Variants in SIPA1L2 observed in about 807,000 individuals in gnomAD.
SIPA1L2 encodes signal-induced proliferation-associated 1-like protein 2.
In SIPA1L2, 56 loss-of-function variants were observed where a neutral mutation model predicts 163.9. That is an observed-to-expected ratio of 0.34 (90% confidence interval 0.28 to 0.43). The LOEUF (loss-of-function observed/expected upper bound fraction) is 0.43, where lower values mean the gene tolerates loss of function less well. SIPA1L2 is among the 20% of genes least tolerant of loss of function. The probability of loss-of-function intolerance (pLI) is 1.00; values close to 1 mark genes in which losing one functional copy is unlikely to be tolerated. For missense variants in SIPA1L2, 1,974 were observed against 2,193.5 expected (o/e 0.90, Z 2.00); for synonymous variants, 877 against 865.7 (o/e 1.01, Z -0.23).
chr1:232,563,956 C>CGTGTGTGTGTGTGTGTGTGTGT (rs34854572), intron 2 of SIPA1L2, among the ~76,000 whole-genome samples: 1 of 72,212 alleles, frequency 1.4e-5, no homozygotes, highest in Non-Finnish European at 2.4e-5. Context: ...TTTTTTTTTT[C>CGTGTGTGTGTGTGTGTGTGTGT]GTGTGTGTGT....
At chr1:232,405,138 C>T (rs116289223) in intron 19 of SIPA1L2, among the ~76,000 whole-genome samples, 1,889 of 152,342 alleles carry the variant, frequency 0.012, 20 homozygotes, top group Non-Finnish European at 0.02. Context: ...CTGCCAGGAA[C>T]ATATGAAGGA....
chr1:232,431,773 A>G (rs1448354865), intron 16 of SIPA1L2, among the ~76,000 whole-genome samples: 2 of 152,244 alleles, frequency 1.3e-5, no homozygotes, highest in African/African-American at 4.8e-5. Context: ...ACAGATACAA[A>G]GCATCCTTTC....
chr1:232,482,027 G>T (rs1665387702), intron 6 of SIPA1L2, among the ~76,000 whole-genome samples: 1 of 152,100 alleles, frequency 6.6e-6, no homozygotes, highest in Non-Finnish European at 1.5e-5. Context: ...TCTACTAAAA[G>T]AATGTCAGAC....
intron 1 of SIPA1L2, among the ~76,000 whole-genome samples, chr1:232,574,536 TTC>T (rs1257849423): frequency 6.6e-6 from 1 of 152,322 alleles, no homozygotes; most frequent in African/African-American, 2.4e-5. Context: ...TCATTACTTT[TTC>T]TGTTTTGAAA....
In SIPA1L2 at chr1:232,494,387, G is replaced by A. The variant is rs143528670; in HGVS notation, c.1484-727C>T. Among the ~76,000 whole-genome samples, 249 of 152,254 alleles carry A rather than the reference G, an allele frequency of 1.6e-3. 2 individuals carry two copies. Among genetic ancestry groups the A allele is most frequent in the Non-Finnish European group, 2.7e-3 (181 of 68,018 alleles). ...AGGCCATACTGTCCATCTAACACAC[G>A]GATCCCTCCAGGACATCTTTCCTAA... On this transcript the variant is annotated intron_variant, in intron 3 of 22. Transcript: ENST00000674635.
chr1:232,443,659 G>A lies in SIPA1L2; in HGVS notation c.3380C>T (p.Ser1127Phe). ...GCTCCCGCCGGGTCCAGGGTCGCTG[G>A]AGGATGACTGGTTGCTGGGTGAGCT... The part of the protein sequence containing the change: ...TRSSPSNQSS[S>F]SDPGPGGSGP... Residue 1127 changes from serine (S) to phenylalanine (F), a missense_variant, in exon 12 of 23, where the codon TCC (serine) becomes TTC (phenylalanine). Physicochemically the swap from Ser to Phe is radical, Grantham distance 155 (BLOSUM62 -2). Transcript: ENST00000674635. 1 of 1,609,132 alleles carries A rather than the reference G, an allele frequency of 6.2e-7. No homozygotes were observed.
intron 2 of SIPA1L2, among the ~76,000 whole-genome samples, chr1:232,570,357 T>A (rs1659648913): frequency 6.6e-6 from 1 of 152,210 alleles, no homozygotes; most frequent in Non-Finnish European, 1.5e-5. Flanking sequence ...TACAAAGAAG[T>A]ATGCAACAAG....
intron 2 of SIPA1L2, among the ~76,000 whole-genome samples, chr1:232,557,035 C>T (rs976278434): frequency 1.3e-5 from 2 of 152,008 alleles, no homozygotes; most frequent in Admixed American, 1.3e-4. Flanking sequence ...ACCTGTGTCC[C>T]GTGAGCAAAA....
intron 19 of SIPA1L2, 81 bp downstream of exon 19, chr1:232,415,413 G>A: frequency 1.4e-6 from 2 of 1,459,584 alleles, no homozygotes; most frequent in African/African-American, 1.4e-5. Flanking sequence ...AGACAGACGG[G>A]CTCCCCTAAG....
intron 9 of SIPA1L2, among the ~76,000 whole-genome samples, chr1:232,463,980 G>C (rs1349996676): frequency 2.0e-5 from 3 of 152,074 alleles, no homozygotes; most frequent in Admixed American, 2.0e-4. Context: ...TGGGAGGAAA[G>C]GGGGCAAGAA....
intron 22 of SIPA1L2, among the ~76,000 whole-genome samples, chr1:232,400,428 G>A (rs968214793): frequency 2.6e-5 from 4 of 152,092 alleles, no homozygotes; most frequent in African/African-American, 4.8e-5. Context: ...AATTCCTTTC[G>A]TCTTCGTGCT....
chr1:232,527,822 C>A (rs1271406104), intron 2 of SIPA1L2, among the ~76,000 whole-genome samples: 1 of 140,874 alleles, frequency 7.1e-6, no homozygotes, highest in Non-Finnish European at 1.5e-5. Context: ...AGCTCAAACT[C>A]CTGGACTCAA....
chr1:232,510,672 GA>G, intron 3 of SIPA1L2, among the ~76,000 whole-genome samples: 1 of 152,274 alleles, frequency 6.6e-6, no homozygotes, highest in Middle Eastern at 3.4e-3. Context: ...GAATTCAAGA[GA>G]AAAACTACAA....
intron 2 of SIPA1L2, among the ~76,000 whole-genome samples, chr1:232,522,610 C>T (rs1307391872): frequency 1.3e-5 from 2 of 151,820 alleles, no homozygotes; most frequent in African/African-American, 4.8e-5. Flanking sequence ...CATGTCCTGG[C>T]ATATGGACCC....
At chr1:232,468,014 C>T (rs1442678382) in intron 8 of SIPA1L2, among the ~76,000 whole-genome samples, 1 of 152,160 alleles carries the variant, frequency 6.6e-6, no homozygotes, top group Non-Finnish European at 1.5e-5. Flanking sequence ...TATTCTTGCA[C>T]ATCTCAAAGT....
intron 19 of SIPA1L2, among the ~76,000 whole-genome samples, chr1:232,409,182 T>C (rs147660675): frequency 2.7e-4 from 41 of 152,304 alleles, no homozygotes; most frequent in Non-Finnish European, 5.6e-4. Context: ...GCAAATTTAG[T>C]TTTTCAACTA....
chr1:232,580,670 T>A lies in SIPA1L2; in HGVS notation c.-318-6448A>T, dbSNP rs189454438. ...GCCCTCAGACAGAATGGATGGTAAATTTTTTTTCAGACCTTTATAGGTGTC... is the reference window on the plus strand; with the variant it reads ...GCCCTCAGACAGAATGGATGGTAAAATTTTTTTCAGACCTTTATAGGTGTC... On this transcript the variant is annotated intron_variant, in intron 1 of 22. Transcript: ENST00000674635. Among the ~76,000 whole-genome samples, 192 of 152,018 alleles carry A rather than the reference T, an allele frequency of 1.3e-3. 3 individuals carry two copies. Among genetic ancestry groups the A allele is most frequent in the African/African-American group, 4.5e-3 (186 of 41,452 alleles).
chr1:232,452,028 T>TGCCGGGTGCGGTGGCTCACGCCTGTA, intron 10 of SIPA1L2, among the ~76,000 whole-genome samples: 1 of 149,548 alleles, frequency 6.7e-6, no homozygotes, highest in Non-Finnish European at 1.5e-5. Flanking sequence ...AATGTGGCAT[T>TGCCGGGTGCGGTGGCTCACGCCTGTA]ATCAAACTGT....
At chr1:232,525,117 T>A (rs1052466093) in intron 2 of SIPA1L2, among the ~76,000 whole-genome samples, 7 of 151,982 alleles carry the variant, frequency 4.6e-5, no homozygotes, top group Non-Finnish European at 8.8e-5. Context: ...GATATTAACA[T>A]TGAATGAACA....
Sources: gnomAD v4.1 joint callset for allele counts (sites outside exome capture counted in the v4.1 genomes callset) on GRCh38, gnomAD v4.1.1 for gene constraint, MANE v1.5 for transcripts, NCBI Gene and HGNC (gene_info 2026-07-23, HGNC 2026-07-21) for gene names.